Variants in KALRN observed in about 807,000 individuals in gnomAD.
KALRN encodes kalirin.
A neutral mutation model predicts 353.7 loss-of-function variants in KALRN; 70 were observed. The ratio of observed to expected loss-of-function variants is 0.20; its 90% CI spans 0.16 to 0.24. The LOEUF (loss-of-function observed/expected upper bound fraction) is 0.24, where lower values mean the gene tolerates loss of function less well. KALRN is among the 10% of genes least tolerant of loss of function. KALRN has a pLI of 1.00. For synonymous variants in KALRN, 1,391 were observed against 1,434.8 expected, an observed-to-expected ratio of 0.97 and a Z score of 0.69; for missense variants, 2,791 against 3,756.7, an observed-to-expected ratio of 0.74 and a Z score of 6.72.
chr3:124,420,606 C>A (rs989424688), intron 14 of KALRN, among the ~76,000 whole-genome samples: 2 of 152,124 alleles, frequency 1.3e-5, no homozygotes, highest in African/African-American at 4.8e-5. Flanking sequence ...GCCAAAAGAA[C>A]AAGCCGTTCT....
intron 58 of KALRN, 119 bp downstream of exon 58, chr3:124,713,254 C>T (rs990370344): frequency 9.8e-6 from 7 of 710,766 alleles, no homozygotes; most frequent in Middle Eastern, 3.9e-4. Context: ...CAAAGTGCTG[C>T]ATATAACATG....
At chr3:124,701,995 A>G (rs368335674) in intron 56 of KALRN, 43 bp from the exon 57 acceptor site, 122 of 1,482,034 alleles carry the variant, frequency 8.2e-5, no homozygotes, top group Non-Finnish European at 1.1e-4. Context: ...TTATTCTTAT[A>G]TGACATCCTC....
chr3:124,495,965 G>GTGTGTATATA (rs1239001137), intron 32 of KALRN, among the ~76,000 whole-genome samples: 1 of 41,478 alleles, frequency 2.4e-5, no homozygotes. Flanking sequence ...GTGTATGTAT[G>GTGTGTATATA]TATATATATA....
chr3:124,377,485 A>C (rs1025344375), intron 10 of KALRN, among the ~76,000 whole-genome samples: 2 of 152,088 alleles, frequency 1.3e-5, no homozygotes, highest in Admixed American at 6.6e-5. Flanking sequence ...TATCTTGGTA[A>C]ATATTCTGTG....
intron 1 of KALRN, among the ~76,000 whole-genome samples, chr3:124,127,005 T>C (rs930769193): frequency 2.0e-5 from 3 of 152,172 alleles, no homozygotes; most frequent in African/African-American, 4.8e-5. Context: ...TCAACTACAA[T>C]ATGGGATTCA....
rs16835317 is a variant in KALRN, at chr3:124,356,654, C to T, written c.1770+9389C>T. Reference sequence around the variant, plus strand: ...TGGCCACTTAACAGGTCTTAATTGACTGTTCTGAAGCATTTAATCCTGTCA... The same window carrying T: ...TGGCCACTTAACAGGTCTTAATTGATTGTTCTGAAGCATTTAATCCTGTCA... On this transcript the variant is annotated intron_variant, in intron 10 of 59. Coordinates refer to ENST00000682506, the MANE Select transcript of KALRN (RefSeq NM_001388419.1). 0.034 allele frequency among the ~76,000 whole-genome samples: 5,154 copies of T among 152,218 alleles called. 559 individuals carry two copies. In the East Asian group the frequency reaches 0.4, roughly 12 times the overall value.
At chr3:124,626,753 T>C (rs2080002305) in intron 34 of KALRN, among the ~76,000 whole-genome samples, 1 of 152,212 alleles carries the variant, frequency 6.6e-6, no homozygotes, top group South Asian at 2.1e-4. Flanking sequence ...ATATAAACCT[T>C]TAAGCAACTT....
chr3:124,396,041 G>A (rs898764386), intron 12 of KALRN, among the ~76,000 whole-genome samples: 1 of 152,204 alleles, frequency 6.6e-6, no homozygotes, highest in Non-Finnish European at 1.5e-5. Context: ...TAGATAAAGT[G>A]TCATGAGGCC....
chr3:124,178,571 G>A (rs1041436326), intron 1 of KALRN, among the ~76,000 whole-genome samples: 3 of 152,088 alleles, frequency 2.0e-5, no homozygotes, highest in Admixed American at 1.3e-4. Context: ...GTAGGCAATC[G>A]TAACACAATG....
intron 13 of KALRN, among the ~76,000 whole-genome samples, chr3:124,412,083 A>G (rs1189651483): frequency 6.6e-6 from 1 of 152,160 alleles, no homozygotes; most frequent in Non-Finnish European, 1.5e-5. Flanking sequence ...TCTTGTTGTT[A>G]GACAAAAAAA....
intron 1 of KALRN, among the ~76,000 whole-genome samples, chr3:124,227,619 T>C (rs1451191932): frequency 6.6e-6 from 1 of 150,640 alleles, no homozygotes; most frequent in Non-Finnish European, 1.5e-5. Flanking sequence ...AACATGATTT[T>C]TTAAAAGTCC....
intron 56 of KALRN, among the ~76,000 whole-genome samples, chr3:124,701,263 T>C (rs774571900): frequency 2.3e-4 from 35 of 152,234 alleles, no homozygotes; most frequent in Non-Finnish European, 4.4e-4. Flanking sequence ...AAGGTAATAC[T>C]GCCAAAGAAT....
At chr3:124,245,073 T>TCAAA (rs2080962260) in intron 3 of KALRN, among the ~76,000 whole-genome samples, 1 of 152,142 alleles carries the variant, frequency 6.6e-6, no homozygotes, top group African/African-American at 2.4e-5. Flanking sequence ...TACTGTGCTA[T>TCAAA]CAAACACTAG....
intron 14 of KALRN, among the ~76,000 whole-genome samples, chr3:124,419,610 A>C (rs993085941): frequency 7.9e-5 from 12 of 152,114 alleles, no homozygotes; most frequent in Non-Finnish European, 1.6e-4. Context: ...GGGCCTGAAG[A>C]GGCAGAGATG....
At chr3:124,476,011 G>A (rs1007057086) in intron 26 of KALRN, among the ~76,000 whole-genome samples, 1 of 151,808 alleles carries the variant, frequency 6.6e-6, no homozygotes, top group South Asian at 2.1e-4. Context: ...GAAATTTGTG[G>A]ATTTCCTTTA....
In KALRN at chr3:124,268,921, T is replaced by C. The variant is rs369521014; in HGVS notation, c.635T>C (p.Met212Thr). 9.9e-6 allele frequency: 16 copies of C among 1,614,062 alleles called. No individual in the cohort carries two copies. The African/African-American group carries it at 1.7e-4, about 17-fold the overall frequency. The change falls in exon 5 of 60, where the codon ATG becomes ACG. Residue 212 changes from methionine to threonine, a missense_variant. Around this residue, in one of 11 missense-constraint regions of KALRN, gnomAD observed 366 missense variants for 489.2 expected, o/e 0.75. Coordinates refer to ENST00000682506, the MANE Select transcript of KALRN (RefSeq NM_001388419.1). ...TCGCGCCTCGAGGACCTCCAGGAGA[T>C]GCTAGCCCGGAAGGAGTTTCCTGTG... The part of the protein sequence containing the change: ...LLSRLEDLQE[M>T]LARKEFPVDV...
In KALRN at chr3:124,492,790, G is replaced by A; in HGVS notation, c.4740G>A (p.Val1580=). 6.2e-7 allele frequency: 1 copy of A among 1,614,056 alleles called. No individual in the cohort carries two copies. The highest frequency in any genetic ancestry group is 8.5e-7 in the Non-Finnish European group (1 of 1,180,002). ...KQEWIKNIRE[V]IQERIIHLKG... ...AGTGGATCAAGAACATTCGAGAAGT[G>A]ATTCAAGAAAGGATCATTCACCTGA... Residue 1580 remains valine, a synonymous_variant, in exon 32 of 60, where the codon GTG becomes GTA. Transcript: ENST00000682506.
At chr3:124,036,316 A>G (rs570638746) in intron 1 of KALRN, among the ~76,000 whole-genome samples, 1 of 152,116 alleles carries the variant, frequency 6.6e-6, no homozygotes, top group Admixed American at 6.5e-5. Context: ...AACATGAAGT[A>G]TTTGGTTTTT....
chr3:124,647,456 C>T (rs925484153), intron 37 of KALRN, among the ~76,000 whole-genome samples: 2 of 152,186 alleles, frequency 1.3e-5, no homozygotes, highest in Non-Finnish European at 2.9e-5. Flanking sequence ...CAATGCTGCT[C>T]CTGCCTGGAA....
Sources: allele counts gnomAD v4.1 joint callset (sites outside exome capture counted in the v4.1 genomes callset), GRCh38; gene constraint gnomAD v4.1.1; regional missense constraint gnomAD v4.1.1; transcripts MANE v1.5; gene names NCBI Gene and HGNC (gene_info 2026-07-23, HGNC 2026-07-21).